The following ERG28 variants were observed in gnomAD, a reference collection of about 807,000 sequenced individuals.
ERG28 encodes ergosterol biosynthesis 28 homolog, also known as ergosterol biosynthetic protein 28 homolog.
A neutral mutation model predicts 15.7 loss-of-function variants in ERG28; 9 were observed. The ratio of observed to expected loss-of-function variants is 0.57; its 90% CI spans 0.35 to 1.00. ERG28 has a LOEUF of 1.00. Among genes scored for constraint, ERG28 ranks in the 50% least tolerant of loss-of-function variants. The probability of loss-of-function intolerance (pLI) is 0.02; values close to 1 mark genes in which losing one functional copy is unlikely to be tolerated. For synonymous variants in ERG28, 61 were observed against 68.4 expected, an observed-to-expected ratio of 0.89 and a Z score of 0.53; for missense variants, 117 against 173.3, an observed-to-expected ratio of 0.68 and a Z score of 1.82.
At chr14:75,652,386 T>TG (rs1262478278) in intron 3 of ERG28, among the ~76,000 whole-genome samples, 3 of 152,184 alleles carry the variant, frequency 2.0e-5, no homozygotes, top group Non-Finnish European at 4.4e-5. Flanking sequence ...TAGATGCTCT[T>TG]GCAATATACG....
rs144532500 is a variant in ERG28, at chr14:75,649,796, C to CCTAA, written c.*1755_*1758dup. 1.3e-5 allele frequency: 2 copies of CCTAA among 152,320 alleles called. No homozygotes were observed. The highest frequency in any genetic ancestry group is 4.8e-5 in the African/African-American group (2 of 41,552). The allele number at this position is 152,320 out of a possible 1,614,324, so 9.4% of individuals were successfully genotyped here. On this transcript the variant is annotated 3_prime_UTR_variant, in exon 5 of 5. Coordinates refer to ENST00000256319, the MANE Select transcript of ERG28 (RefSeq NM_007176.4). ...CCTTTTCTGACCTTTTCTTTCACTT[C>CCTAA]CTAACTCTTCACCATGCTGTGATTA...
chr14:75,649,877 T>C lies in ERG28; in HGVS notation c.*1678A>G, dbSNP rs1890500846. On this transcript the variant is annotated 3_prime_UTR_variant, in exon 5 of 5. Coordinates refer to ENST00000256319, the MANE Select transcript of ERG28 (RefSeq NM_007176.4). ...CTACCTTCCAGTTGCTGCTCCCTCC[T>C]TTCTAACGGCCTGCTCCATATCTTA... The C allele has an allele frequency of 6.6e-6, 1 of 152,254 alleles. No individual in the cohort carries two copies. Among genetic ancestry groups the C allele is most frequent in the South Asian group, 2.1e-4 (1 of 4,824 alleles). The allele number at this position is 152,254 out of a possible 1,614,324, so 9.4% of individuals were successfully genotyped here.
chr14:75,657,899 T>A (rs1890618199), intron 1 of ERG28, among the ~76,000 whole-genome samples: 1 of 152,206 alleles, frequency 6.6e-6, no homozygotes, highest in South Asian at 2.1e-4. Flanking sequence ...TGGAACTTTA[T>A]AAATTTGAGT....
chr14:75,655,426 C>T (rs1482289856), intron 2 of ERG28, among the ~76,000 whole-genome samples: 1 of 152,160 alleles, frequency 6.6e-6, no homozygotes, highest in Admixed American at 6.5e-5. Flanking sequence ...TTTAGATGCC[C>T]ATATATGGTC....
intron 2 of ERG28, 132 bp downstream of exon 2, chr14:75,657,238 G>T: frequency 8.8e-7 from 1 of 1,134,676 alleles, no homozygotes; most frequent in Non-Finnish European, 1.2e-6. Flanking sequence ...AATAGGTTTG[G>T]TGAGGGAAAT....
At chr14:75,660,379 T>C (rs1890670419) in intron 1 of ERG28, among the ~76,000 whole-genome samples, 1 of 152,206 alleles carries the variant, frequency 6.6e-6, no homozygotes, top group African/African-American at 2.4e-5. Context: ...AAAGGGATTC[T>C]TATCCTGGCC....
intron 1 of ERG28, among the ~76,000 whole-genome samples, chr14:75,657,872 G>A (rs1890617930): frequency 1.3e-5 from 2 of 152,102 alleles, no homozygotes; most frequent in Admixed American, 6.5e-5. Flanking sequence ...TATTGATGAC[G>A]GATTCTTCCA....
At chr14:75,659,376 G>C (rs1890644024) in intron 1 of ERG28, among the ~76,000 whole-genome samples, 1 of 151,204 alleles carries the variant, frequency 6.6e-6, no homozygotes, top group Non-Finnish European at 1.5e-5. Flanking sequence ...TTATTTTTTT[G>C]AGACAGGGTC....
intron 3 of ERG28, among the ~76,000 whole-genome samples, chr14:75,653,359 C>T (rs375991233): frequency 6.6e-6 from 1 of 151,632 alleles, no homozygotes; most frequent in African/African-American, 2.4e-5. Context: ...AATCCCAGCA[C>T]CTTGGAGGCC....
intron 3 of ERG28, among the ~76,000 whole-genome samples, chr14:75,654,295 C>A (rs1051214024): frequency 6.6e-6 from 1 of 152,322 alleles, no homozygotes; most frequent in African/African-American, 2.4e-5. Context: ...GATGATGACT[C>A]CCGCTGGGAA....
chr14:75,655,069 G>C (rs2140064301), intron 2 of ERG28, 93 bp from the exon 3 acceptor site: 2 of 1,297,588 alleles, frequency 1.5e-6, no homozygotes, highest in Non-Finnish European at 2.2e-6. Context: ...ATGGGAGATA[G>C]GGAGCTGGAC....
rs2140065363 is a variant in ERG28 at position 75,657,303 on chromosome 14, G to A, written c.133+67C>T. On this transcript the variant is annotated intron_variant, in intron 2 of 4. Coordinates refer to ENST00000256319, the MANE Select transcript of ERG28 (RefSeq NM_007176.4). ...GTTACTCTGATGTACAGCCTGGTTT[G>A]GGAACCACAGCATAGGGCCAGTCCT... 6 of 1,557,030 alleles carry A rather than the reference G, an allele frequency of 3.9e-6. No individual in the cohort carries two copies. In the South Asian group the frequency reaches 4.7e-5, roughly 12 times the overall value.
At chr14:75,659,017 A>G (rs117728974) in intron 1 of ERG28, among the ~76,000 whole-genome samples, 1,984 of 152,382 alleles carry the variant, frequency 0.013, 17 homozygotes, top group South Asian at 0.035. Flanking sequence ...AATAGGTTTC[A>G]GTCATTGAGC....
Position 75,651,754 on chromosome 14 carries a change from G to C in ERG28, c.343+17C>G. The C allele has an allele frequency of 6.2e-7, 1 of 1,602,772 alleles. No individual in the cohort carries two copies. The highest frequency in any genetic ancestry group is 2.2e-5 in the East Asian group (1 of 44,820). ...GGCACAGCTCCTGTAGGAGGTCTAG[G>C]GTGGTTGGATGCTTACTTGCCACCA... is the stretch of plus-strand genomic sequence containing the variant. On this transcript the variant is annotated intron_variant, in intron 4 of 4. Transcript: ENST00000256319.
chr14:75,657,685 G>A (rs1890616043), intron 1 of ERG28, among the ~76,000 whole-genome samples, 152 bp from the exon 2 acceptor site: 1 of 152,214 alleles, frequency 6.6e-6, no homozygotes, highest in Non-Finnish European at 1.5e-5. Context: ...AAGTGGCACA[G>A]TACTTATCCT....
chr14:75,654,994 G>C lies in ERG28; in HGVS notation c.134-18C>G, dbSNP rs1266498421. 5 of 1,603,776 alleles carry C rather than the reference G, an allele frequency of 3.1e-6. No individual in the cohort carries two copies. The East Asian group carries it at 1.1e-4, about 36-fold the overall frequency. ...GCCATTCACTGTGTAGCAGAAAAAAGCAAGAGTGTTCAGAAGGGGAGACTT... is the reference window on the plus strand; with the variant it reads ...GCCATTCACTGTGTAGCAGAAAAAACCAAGAGTGTTCAGAAGGGGAGACTT... On this transcript the variant is annotated intron_variant, in intron 2 of 4. Transcript: ENST00000256319.
intron 2 of ERG28, among the ~76,000 whole-genome samples, chr14:75,656,727 T>C (rs913819977): frequency 2.6e-5 from 4 of 152,224 alleles, no homozygotes; most frequent in Non-Finnish European, 4.4e-5. Flanking sequence ...ATGGACACTC[T>C]CAGTAGAGAG....
chr14:75,651,896 G>A lies in ERG28; in HGVS notation c.225-7C>T. 6.3e-7 allele frequency: 1 copy of A among 1,592,386 alleles called. No individual in the cohort carries two copies. The highest frequency in any genetic ancestry group is 8.6e-7 in the Non-Finnish European group (1 of 1,160,180). ...GAGTGTGATGTGATAGAGCCTATAAGGAAGCAGACAGAAATGGGAACCAAA... is the reference window on the plus strand; with the variant it reads ...GAGTGTGATGTGATAGAGCCTATAAAGAAGCAGACAGAAATGGGAACCAAA... On this transcript the variant is annotated splice_polypyrimidine_tract_variant and splice_region_variant and intron_variant, in intron 3 of 4. Transcript: ENST00000256319.
chr14:75,654,966 G>T lies in ERG28; in HGVS notation c.144C>A (p.Leu48=). The change falls in exon 3 of 5, where the codon CTC becomes CTA. Residue 48 remains leucine (L), a synonymous_variant. Transcript: ENST00000256319. Reference sequence around the variant, plus strand: ...TCCAGATCCCAAAGGTCCGAGCTTGGAGGCCATTCACTGTGTAGCAGAAAA... The same window carrying T: ...TCCAGATCCCAAAGGTCCGAGCTTGTAGGCCATTCACTGTGTAGCAGAAAA... ...YTGKPNLVNG[L]QARTFGIWTL... is the part of the protein sequence containing the mutation. The T allele has an allele frequency of 6.2e-7, 1 of 1,614,000 alleles. No homozygotes were observed.
Sources: gnomAD v4.1 joint callset for allele counts (sites outside exome capture counted in the v4.1 genomes callset) on GRCh38, gnomAD v4.1.1 for gene constraint, MANE v1.5 for transcripts, NCBI Gene and HGNC (gene_info 2026-07-23, HGNC 2026-07-21) for gene names.